CCDC171: variants seen among roughly 807,000 people sequenced by gnomAD.
The protein encoded by CCDC171 is coiled-coil domain containing 171.
Under a neutral mutation model 168.2 loss-of-function variants are expected in CCDC171, and 177 were observed. The ratio of observed to expected loss-of-function variants is 1.05; its 90% CI spans 0.93 to 1.19. The LOEUF (loss-of-function observed/expected upper bound fraction) is 1.19. Among genes scored for constraint, CCDC171 ranks in the 50% most tolerant of loss-of-function variants. CCDC171 has a pLI of 0.00. For missense variants in CCDC171, 1,991 were observed against 1,539.0 expected, an observed-to-expected ratio of 1.29 and a Z score of -4.91; for synonymous variants, 687 against 540.8, an observed-to-expected ratio of 1.27 and a Z score of -3.75.
At chr9:15,954,060 T>A (rs930010936) in intron 25 of CCDC171, among the ~76,000 whole-genome samples, 1 of 151,982 alleles carries the variant, frequency 6.6e-6, no homozygotes, top group East Asian at 1.9e-4. Context: ...GAGTTTCTTT[T>A]TTTCTTGCCT....
At chr9:15,695,365 G>A (rs1564228304) in intron 11 of CCDC171, 28 bp downstream of exon 11, 2 of 1,539,038 alleles carry the variant, frequency 1.3e-6, no homozygotes, top group Non-Finnish European at 1.8e-6. Flanking sequence ...AATGACAGAT[G>A]CATCTGTCAA....
At chr9:15,797,574 A>G (rs896846238) in intron 21 of CCDC171, among the ~76,000 whole-genome samples, 22 of 151,902 alleles carry the variant, frequency 1.4e-4, no homozygotes, top group African/African-American at 5.1e-4. Context: ...AATTCTTTCT[A>G]TATTCTCTAT....
intron 25 of CCDC171, among the ~76,000 whole-genome samples, chr9:15,932,652 T>C (rs970602084): frequency 6.6e-6 from 1 of 151,966 alleles, no homozygotes; most frequent in Non-Finnish European, 1.5e-5. Context: ...CTATGTTGAA[T>C]AGAAGTGGCG....
rs75013782 is a variant in CCDC171 at position 16,019,586 on chromosome 9, G to C, written n.369-1003G>C. ...TGAAAGAGATTGAGAGGGAGAGACA[G>C]AGAGAAACAGAAAGACATGGTTAGA... On this transcript the variant is annotated intron_variant and non_coding_transcript_variant, in intron 3 of 9. Transcript: ENST00000486641. Among the ~76,000 whole-genome samples the C allele has an allele frequency of 9.8e-3, 1,271 of 129,676 alleles. 17 individuals are homozygous for C. Among genetic ancestry groups the C allele is most frequent in the African/African-American group, 0.03 (1,211 of 41,012 alleles). The allele number at this position is 129,676 out of a possible 152,430, so 85.1% of individuals were successfully genotyped here. A position where few individuals can be genotyped will look rare whatever the true frequency, so the allele number is the denominator to read the frequency against.
chr9:15,687,660 A>G (rs2133600754), intron 10 of CCDC171, among the ~76,000 whole-genome samples: 1 of 152,340 alleles, frequency 6.6e-6, no homozygotes, highest in East Asian at 1.9e-4. Context: ...AAAGGAGAAG[A>G]GATTCAAATT....
At chr9:15,590,730 TCA>T (rs1360117162) in intron 4 of CCDC171, among the ~76,000 whole-genome samples, 8 of 152,134 alleles carry the variant, frequency 5.3e-5, no homozygotes, top group African/African-American at 4.8e-5. Context: ...GCCCTATATA[TCA>T]CAGTCTTAAA....
intron 7 of CCDC171, among the ~76,000 whole-genome samples, chr9:15,641,999 A>G (rs750276340): frequency 6.6e-6 from 1 of 152,010 alleles, no homozygotes; most frequent in Non-Finnish European, 1.5e-5. Flanking sequence ...CCCCATCTCT[A>G]CCAAAAATAC....
At chr9:15,980,704 T>C (rs1831764472) in intron 3 of CCDC171, among the ~76,000 whole-genome samples, 2 of 152,086 alleles carry the variant, frequency 1.3e-5, no homozygotes, top group African/African-American at 4.8e-5. Flanking sequence ...TATTCTGTTA[T>C]AATGTCATGG....
intron 6 of CCDC171, among the ~76,000 whole-genome samples, chr9:15,615,843 A>G (rs2044041193): frequency 6.6e-6 from 1 of 150,430 alleles, no homozygotes; most frequent in South Asian, 2.1e-4. Flanking sequence ...CAGTGGCATG[A>G]TCTCAGCTTG....
At chr9:15,894,457 A>C (rs1292815656) in intron 24 of CCDC171, among the ~76,000 whole-genome samples, 1 of 151,966 alleles carries the variant, frequency 6.6e-6, no homozygotes, top group Non-Finnish European at 1.5e-5. Context: ...AATATGAGTC[A>C]TTTTTGCCAT....
At chr9:15,830,508 T>G (rs4741545) in intron 21 of CCDC171, among the ~76,000 whole-genome samples, 58,687 of 152,164 alleles carry the variant, frequency 0.39, 13,975 homozygotes, top group East Asian at 0.66. Context: ...CCTTTTCAAT[T>G]GATTCTAATG....
the CCDC171 span, among the ~76,000 whole-genome samples, chr9:16,081,726 T>C: frequency 6.6e-6 from 1 of 152,066 alleles, no homozygotes; most frequent in African/African-American, 2.4e-5. Flanking sequence ...TTAAAGAAAA[T>C]AAGAATCCTG....
chr9:15,957,697 AT>A (rs918678919), intron 25 of CCDC171, among the ~76,000 whole-genome samples: 1 of 152,232 alleles, frequency 6.6e-6, no homozygotes, highest in African/African-American at 2.4e-5. Flanking sequence ...TCAAGAGAGT[AT>A]GAAAATTGAC....
At chr9:15,813,081 C>G (rs1052906870) in intron 21 of CCDC171, among the ~76,000 whole-genome samples, 1 of 152,164 alleles carries the variant, frequency 6.6e-6, no homozygotes, top group Non-Finnish European at 1.5e-5. Flanking sequence ...GCCAAAAACG[C>G]AGCCTGTGGG....
chr9:15,660,026 T>C (rs1227619313), intron 8 of CCDC171, among the ~76,000 whole-genome samples: 1 of 152,236 alleles, frequency 6.6e-6, no homozygotes, highest in African/African-American at 2.4e-5. Context: ...TACACTTTTT[T>C]CCTATCTTGT....
At chr9:16,007,283 GT>G (rs1382493244) in intron 3 of CCDC171, among the ~76,000 whole-genome samples, 5 of 151,990 alleles carry the variant, frequency 3.3e-5, no homozygotes, top group African/African-American at 1.2e-4. Flanking sequence ...GGGGTTGTTT[GT>G]TTTTTTCTTG....
chr9:15,814,332 A>G (rs991292887), intron 21 of CCDC171, among the ~76,000 whole-genome samples: 2 of 152,146 alleles, frequency 1.3e-5, no homozygotes, highest in African/African-American at 4.8e-5. Context: ...TGTTTGTTTC[A>G]TCTGTTAAAA....
Position 15,971,873 on chromosome 9 carries a change from T to G in CCDC171, c.*37T>G, listed in dbSNP as rs752494328. 6.6e-6 allele frequency: 10 copies of G among 1,519,108 alleles called. No homozygotes were observed. Among genetic ancestry groups the G allele is most frequent in the South Asian group, 2.3e-5 (2 of 87,298 alleles). 94.1% of individuals were successfully genotyped at this position (1,519,108 alleles called of 1,614,324 possible). A position where few individuals can be genotyped will look rare whatever the true frequency, so the allele number is the denominator to read the frequency against. ...TAAAAAATGGAGGAAGAGTTAACAG[T>G]ACAATTAAAATTGTTTTGAATGGGA... On this transcript the variant is annotated 3_prime_UTR_variant, in exon 26 of 26. Transcript: ENST00000380701.
At chr9:15,893,429 C>G (rs1053494635) in intron 24 of CCDC171, among the ~76,000 whole-genome samples, 1 of 152,100 alleles carries the variant, frequency 6.6e-6, no homozygotes, top group Non-Finnish European at 1.5e-5. Flanking sequence ...CAAAAATTGA[C>G]AAATGGTATC....
Sources: allele counts gnomAD v4.1 joint callset (sites outside exome capture counted in the v4.1 genomes callset), GRCh38; gene constraint gnomAD v4.1.1; transcripts MANE v1.5; gene names NCBI Gene and HGNC (gene_info 2026-07-23, HGNC 2026-07-21).